The following TENM3 variants were observed in gnomAD, a reference collection of about 807,000 sequenced individuals.
TENM3 encodes the protein teneurin-3.
A neutral mutation model predicts 255.1 loss-of-function variants in TENM3; 63 were observed. The observed-to-expected ratio is 0.25, with a 90% confidence interval of 0.20 to 0.30. The LOEUF (loss-of-function observed/expected upper bound fraction) is 0.30. Ranked by LOEUF, TENM3 falls within the 10% of genes least tolerant of loss-of-function variation. The pLI is 1.00. For missense variants in TENM3, 2,929 were observed against 3,461.1 expected, an observed-to-expected ratio of 0.85 and a Z score of 3.86; for synonymous variants, 1,306 against 1,322.3, an observed-to-expected ratio of 0.99 and a Z score of 0.27.
chr4:182,582,092 C>T (rs993781725), intron 3 of TENM3, among the ~76,000 whole-genome samples: 14 of 152,156 alleles, frequency 9.2e-5, no homozygotes, highest in Admixed American at 7.2e-4. Context: ...TTCCCTGTAA[C>T]GGAAGAATGC....
At chr4:181,712,688 G>T in the TENM3 span, among the ~76,000 whole-genome samples, 1 of 152,176 alleles carries the variant, frequency 6.6e-6, no homozygotes, top group Non-Finnish European at 1.5e-5. Flanking sequence ...AATAAGTGCA[G>T]TGGGACTGCA....
At chr4:182,240,404 T>C (rs1757172138), upstream of TENM3, among the ~76,000 whole-genome samples, 7 of 152,196 alleles carry the variant, frequency 4.6e-5, no homozygotes, top group African/African-American at 2.4e-5. Flanking sequence ...GCTATCATCA[T>C]AACCTCTGTC....
chr4:182,492,396 A>G (rs996015444), intron 3 of TENM3, among the ~76,000 whole-genome samples: 3 of 152,214 alleles, frequency 2.0e-5, no homozygotes, highest in African/African-American at 7.2e-5. Flanking sequence ...TCCATAATTT[A>G]TAGATTGGCT....
chr4:182,800,687 A>G lies in TENM3; in HGVS notation c.*336A>G, dbSNP rs141104467. The G allele has an allele frequency of 1.4e-3, 265 of 190,772 alleles. No individual in the cohort carries two copies. Among genetic ancestry groups the G allele is most frequent in the African/African-American group, 5.7e-3 (243 of 42,710 alleles). 11.8% of individuals were successfully genotyped at this position (190,772 alleles called of 1,614,324 possible). A position where few individuals can be genotyped will look rare whatever the true frequency, so the allele number is the denominator to read the frequency against. On this transcript the variant is annotated 3_prime_UTR_variant, in exon 28 of 28. Transcript: ENST00000511685. ...CTGTATTTAACTAACTTTAAAAAAG[A>G]AAAAAAAATGTGTACAGTGTTTCCA...
chr4:182,070,178 G>A, the TENM3 span, among the ~76,000 whole-genome samples: 7 of 152,288 alleles, frequency 4.6e-5, no homozygotes, highest in East Asian at 1.9e-4. Context: ...GGGTAGGGAC[G>A]ATGTACCATT....
At chr4:182,426,022 A>AAAAAAAAAAAAAAAAAAC (rs1381804374) in intron 3 of TENM3, among the ~76,000 whole-genome samples, 1 of 151,640 alleles carries the variant, frequency 6.6e-6, no homozygotes, top group African/African-American at 2.4e-5. Flanking sequence ...AAAAAAAAAA[A>AAAAAAAAAAAAAAAAAAC]AAAAAAAACA....
chr4:182,278,831 G>C (rs1339536360), intron 1 of TENM3, among the ~76,000 whole-genome samples: 7 of 152,166 alleles, frequency 4.6e-5, no homozygotes. Context: ...GTGTAGGTTT[G>C]GGGATAACAA....
At chr4:182,230,288 C>A (rs1174191651) in intron 1 of TENM3, among the ~76,000 whole-genome samples, 2 of 152,096 alleles carry the variant, frequency 1.3e-5, no homozygotes, top group South Asian at 4.1e-4. Flanking sequence ...GCTCCTCACA[C>A]CTAGGCTCGC....
At chr4:181,851,336 C>G in the TENM3 span, among the ~76,000 whole-genome samples, 2,905 of 152,292 alleles carry the variant, frequency 0.019, 43 homozygotes, top group Middle Eastern at 0.041. Context: ...TTGTAGCACT[C>G]CATGTCCCAA....
In TENM3 at chr4:182,687,826, G is replaced by A. The variant is rs140783196; in HGVS notation, c.2036-340G>A. ...TGGGGACATGTTTTCTTGGTGATAG[G>A]TGTATATAAATATGACCACCCTCTA... On this transcript the variant is annotated intron_variant, in intron 11 of 27. Coordinates refer to ENST00000511685, the MANE Select transcript of TENM3 (RefSeq NM_001080477.4). Among the ~76,000 whole-genome samples, 25 of 152,044 alleles carry A rather than the reference G, an allele frequency of 1.6e-4. No homozygotes were observed. The East Asian group carries it at 4.5e-3, about 27-fold the overall frequency.
the TENM3 span, among the ~76,000 whole-genome samples, chr4:181,912,855 T>C: frequency 1.3e-5 from 2 of 150,916 alleles, no homozygotes; most frequent in African/African-American, 4.9e-5. Flanking sequence ...ACTTGAGAGA[T>C]AAGGAGAAAG....
intron 1 of TENM3, among the ~76,000 whole-genome samples, chr4:182,178,853 A>G (rs2149729126): frequency 6.6e-6 from 1 of 152,334 alleles, no homozygotes; most frequent in Admixed American, 6.5e-5. Flanking sequence ...CAGGTGATGC[A>G]GTTATGAAAC....
intron 1 of TENM3, among the ~76,000 whole-genome samples, chr4:182,169,726 G>A (rs1751976700): frequency 6.6e-6 from 1 of 151,892 alleles, no homozygotes; most frequent in Non-Finnish European, 1.5e-5. Context: ...TCTCCTGTGG[G>A]GGTTAAGAAT....
chr4:182,055,357 A>AAATAAATAAATAAATAAAT, the TENM3 span, among the ~76,000 whole-genome samples: 1 of 151,668 alleles, frequency 6.6e-6, no homozygotes, highest in African/African-American at 2.4e-5. Flanking sequence ...AACAATAAAT[A>AAATAAATAAATAAATAAAT]AATAAATAAA....
the TENM3 span, among the ~76,000 whole-genome samples, chr4:181,744,076 T>A: frequency 1.3e-5 from 2 of 152,152 alleles, no homozygotes; most frequent in African/African-American, 4.8e-5. Flanking sequence ...CATGCGGCGT[T>A]TGGTTTTCTG....
intron 1 of TENM3, among the ~76,000 whole-genome samples, chr4:182,228,202 G>C (rs1175383120): frequency 6.6e-6 from 1 of 151,840 alleles, no homozygotes. Flanking sequence ...TTGTGGTGGG[G>C]ATTTTTGCTA....
chr4:182,045,282 G>C, the TENM3 span, among the ~76,000 whole-genome samples: 3 of 151,838 alleles, frequency 2.0e-5, no homozygotes, highest in South Asian at 6.2e-4. Flanking sequence ...AGGAGGGTCT[G>C]TACCCAAGGA....
At chr4:182,587,927 A>G (rs2871321) in intron 3 of TENM3, among the ~76,000 whole-genome samples, 1 of 151,290 alleles carries the variant, frequency 6.6e-6, no homozygotes. Context: ...TGTCTTTAAT[A>G]TAAGATAGTA....
intron 3 of TENM3, among the ~76,000 whole-genome samples, chr4:182,514,192 A>C (rs1737704976): frequency 1.3e-5 from 2 of 152,198 alleles, no homozygotes; most frequent in Admixed American, 1.3e-4. Flanking sequence ...CTATATTTTT[A>C]AACTAAATGT....
Sources: allele counts gnomAD v4.1 joint callset (sites outside exome capture counted in the v4.1 genomes callset), GRCh38; gene constraint gnomAD v4.1.1; transcripts MANE v1.5; gene names NCBI Gene and HGNC (gene_info 2026-07-23, HGNC 2026-07-21).